SPPL3: variants seen among roughly 807,000 people sequenced by gnomAD.
The protein encoded by SPPL3 is signal peptide peptidase-like 3.
In SPPL3, 5 loss-of-function variants were observed where a neutral mutation model predicts 42.4. The ratio of observed to expected loss-of-function variants is 0.12; its 90% CI spans 0.06 to 0.25. The LOEUF is 0.25. Among genes scored for constraint, SPPL3 ranks in the 10% least tolerant of loss-of-function variants. SPPL3 has a pLI of 1.00. For missense variants in SPPL3, 235 were observed against 489.0 expected (o/e 0.48, Z 4.90); for synonymous variants, 195 against 181.8 (o/e 1.07, Z -0.58).
At chr12:120,878,026 G>A (rs1426526900) in intron 1 of SPPL3, among the ~76,000 whole-genome samples, 4 of 142,732 alleles carry the variant, frequency 2.8e-5, no homozygotes, top group East Asian at 2.2e-4. Flanking sequence ...TCTTAAAAAA[G>A]AAAAAAAAAT....
intron 1 of SPPL3, among the ~76,000 whole-genome samples, chr12:120,825,473 C>A (rs1489842972): frequency 2.6e-5 from 4 of 152,080 alleles, no homozygotes. Flanking sequence ...GGTGAGAAAA[C>A]AAATCCCAAA....
At chr12:120,793,391 C>T (rs1300449029) in intron 2 of SPPL3, among the ~76,000 whole-genome samples, 1 of 152,110 alleles carries the variant, frequency 6.6e-6, no homozygotes, top group African/African-American at 2.4e-5. Flanking sequence ...AGCTACTCGC[C>T]AGGCTGAGGT....
chr12:120,892,899 G>A (rs960479137), intron 1 of SPPL3, among the ~76,000 whole-genome samples: 3 of 149,148 alleles, frequency 2.0e-5, no homozygotes, highest in South Asian at 4.3e-4. Flanking sequence ...GGAGAATGGC[G>A]TGAACCCGGT....
intron 1 of SPPL3, chr12:120,901,743 C>T (rs1272366889): frequency 1.4e-5 from 5 of 345,488 alleles, no homozygotes; most frequent in Non-Finnish European, 2.0e-5. Context: ...GTTTCTTTGC[C>T]TGTAAAGCAA....
In SPPL3 at chr12:120,763,065, A is replaced by G. The variant is rs1431505945; in HGVS notation, c.*1934T>C. The G allele has an allele frequency of 6.6e-6, 1 of 152,250 alleles. No homozygotes were observed. Among genetic ancestry groups the G allele is most frequent in the African/African-American group, 2.4e-5 (1 of 41,444 alleles). 9.4% of individuals were successfully genotyped at this position (152,250 alleles called of 1,614,324 possible). Reference sequence around the variant, plus strand: ...GCAGAGGCAGTTTTGAGTTCTGTGGACAGCAGAAGCTTCAGTTCTTTGATG... The same window carrying G: ...GCAGAGGCAGTTTTGAGTTCTGTGGGCAGCAGAAGCTTCAGTTCTTTGATG... On this transcript the variant is annotated 3_prime_UTR_variant, in exon 11 of 11. Coordinates refer to ENST00000353487, the MANE Select transcript of SPPL3 (RefSeq NM_139015.5).
intron 1 of SPPL3, among the ~76,000 whole-genome samples, chr12:120,831,375 C>G (rs1871420897): frequency 6.6e-6 from 1 of 152,160 alleles, no homozygotes; most frequent in African/African-American, 2.4e-5. Flanking sequence ...AATGGGTCCT[C>G]CAGCACTCAC....
intron 8 of SPPL3, 100 bp from the exon 9 acceptor site, chr12:120,767,693 T>A: frequency 8.6e-7 from 1 of 1,168,692 alleles, no homozygotes; most frequent in Non-Finnish European, 1.2e-6. Context: ...TCAAAGAGCT[T>A]ATCTGCATGG....
At chr12:120,767,768 T>C (rs1940394543) in intron 8 of SPPL3, among the ~76,000 whole-genome samples, 175 bp from the exon 9 acceptor site, 1 of 152,200 alleles carries the variant, frequency 6.6e-6, no homozygotes, top group Non-Finnish European at 1.5e-5. Context: ...GCTGCAACAG[T>C]ACTGGCACTA....
At chr12:120,846,716 A>C (rs1354275524) in intron 1 of SPPL3, among the ~76,000 whole-genome samples, 1 of 152,244 alleles carries the variant, frequency 6.6e-6, no homozygotes, top group Non-Finnish European at 1.5e-5. Flanking sequence ...AATAAAAAAA[A>C]ATGGCTTGTG....
At chr12:120,903,562 G>A (rs1002510915) in intron 1 of SPPL3, 2 of 422,982 alleles carry the variant, frequency 4.7e-6, no homozygotes, top group Non-Finnish European at 8.6e-6. Context: ...CACCCCCGGG[G>A]TCATGCTCCC....
At chr12:120,770,108 T>C (rs1003060957) in intron 6 of SPPL3, 4 of 152,198 alleles carry the variant, frequency 2.6e-5, no homozygotes, top group Non-Finnish European at 4.4e-5. Context: ...AGTGCAGTCA[T>C]GCGATCTTGG....
At chr12:120,858,090 A>C (rs1229002104) in intron 1 of SPPL3, among the ~76,000 whole-genome samples, 1 of 152,238 alleles carries the variant, frequency 6.6e-6, no homozygotes, top group African/African-American at 2.4e-5. Flanking sequence ...GAGCATCTGT[A>C]AAAACAATAA....
chr12:120,782,368 T>C (rs1869573689), intron 6 of SPPL3, among the ~76,000 whole-genome samples: 2 of 152,122 alleles, frequency 1.3e-5, no homozygotes, highest in African/African-American at 4.8e-5. Context: ...CTTGAAAACA[T>C]GCTAAGTGAA....
chr12:120,767,681 A>C (rs1868962651), intron 8 of SPPL3, 88 bp from the exon 9 acceptor site: 2 of 1,336,824 alleles, frequency 1.5e-6, no homozygotes, highest in African/African-American at 2.9e-5. Flanking sequence ...CTTTTTAAGG[A>C]GTCAAAGAGC....
At chr12:120,843,858 T>C (rs924175448) in intron 1 of SPPL3, among the ~76,000 whole-genome samples, 4 of 152,138 alleles carry the variant, frequency 2.6e-5, no homozygotes, top group Non-Finnish European at 5.9e-5. Flanking sequence ...CCTGGGAGGC[T>C]GAAGCAGGAG....
chr12:120,858,860 A>G (rs1336381163), intron 1 of SPPL3, among the ~76,000 whole-genome samples: 2 of 152,232 alleles, frequency 1.3e-5, no homozygotes, highest in Non-Finnish European at 2.9e-5. Flanking sequence ...ACGAAATGTG[A>G]GCCGAGAATT....
rs571746294 is a variant in SPPL3 at position 120,895,535 on chromosome 12, C to T, written c.23+8310G>A. On this transcript the variant is annotated intron_variant, in intron 1 of 10. Transcript: ENST00000353487. Reference sequence around the variant, plus strand: ...AGTGACAATTTGGAGACTATTATTTCTTTTTATATAGCATTATGTGGCATC... The same window carrying T: ...AGTGACAATTTGGAGACTATTATTTTTTTTTATATAGCATTATGTGGCATC... Among the ~76,000 whole-genome samples, 12 of 152,076 alleles carry T rather than the reference C, an allele frequency of 7.9e-5. No individual in the cohort carries two copies. The South Asian group carries it at 2.5e-3, about 32-fold the overall frequency.
chr12:120,871,758 A>G (rs10774572), intron 1 of SPPL3, among the ~76,000 whole-genome samples: 59,937 of 151,868 alleles, frequency 0.39, 13,991 homozygotes, highest in Middle Eastern at 0.57. Flanking sequence ...CGTCTCAGGG[A>G]GGGATAAAAA....
intron 6 of SPPL3, among the ~76,000 whole-genome samples, chr12:120,776,642 T>C (rs754037157): frequency 1.3e-5 from 2 of 152,086 alleles, no homozygotes; most frequent in African/African-American, 2.4e-5. Flanking sequence ...AATGCTAAGA[T>C]AGGACAGAGC....
Sources: gnomAD v4.1 joint callset for allele counts (sites outside exome capture counted in the v4.1 genomes callset) on GRCh38, gnomAD v4.1.1 for gene constraint, MANE v1.5 for transcripts, NCBI Gene and HGNC (gene_info 2026-07-23, HGNC 2026-07-21) for gene names.